Variants in HMCN1 observed in about 807,000 individuals in gnomAD.
The protein encoded by HMCN1 is hemicentin-1.
HMCN1 carries 321 observed loss-of-function variants against 625.9 expected under a neutral mutation model. The observed-to-expected ratio is 0.51, with a 90% CI of 0.47 to 0.56. The LOEUF (loss-of-function observed/expected upper bound fraction) is 0.56, where lower values mean the gene tolerates loss of function less well. Ranked by LOEUF, HMCN1 falls within the 20% of genes least tolerant of loss-of-function variation. The probability of loss-of-function intolerance (pLI) is 0.00; values close to 1 mark genes in which losing one functional copy is unlikely to be tolerated. For synonymous variants in HMCN1, 2,425 were observed against 2,417.6 expected (o/e 1.00, Z -0.09); for missense variants, 6,588 against 6,887.3 (o/e 0.96, Z 1.54).
chr1:185,749,967 GCTAAAAGTCACCTCCTCCGAAAAGCCTTC>G (rs1280529850), intron 1 of HMCN1, among the ~76,000 whole-genome samples: 2 of 152,102 alleles, frequency 1.3e-5, no homozygotes, highest in African/African-American at 4.8e-5. Context: ...ATGGCTCTTG[GCTAAAAGTCACCTCCTCCGAAAAGCCTTC>G]CCTGATTACC....
chr1:185,971,897 A>G lies in HMCN1; in HGVS notation c.2371+1404A>G, dbSNP rs1435181561. Among the ~76,000 whole-genome samples, 6 of 152,170 alleles carry G rather than the reference A, an allele frequency of 3.9e-5. No homozygotes were observed. In the East Asian group the frequency reaches 7.7e-4, roughly 20 times the overall value. On this transcript the variant is annotated intron_variant, in intron 15 of 106. Transcript: ENST00000271588. ...GGACACTGTAACACGTGTTTGAACC[A>G]TGACTAAACTCTGTGGTTATTAAGA... is the stretch of plus-strand genomic sequence containing the variant.
At chr1:186,067,174 C>T (rs1273790806) in intron 49 of HMCN1, among the ~76,000 whole-genome samples, 1 of 152,158 alleles carries the variant, frequency 6.6e-6, no homozygotes, top group Admixed American at 6.5e-5. Flanking sequence ...TTTAGCCCCC[C>T]AGTTTCCATA....
chr1:186,091,315 AT>A (rs981097030), intron 64 of HMCN1, among the ~76,000 whole-genome samples: 1 of 152,034 alleles, frequency 6.6e-6, no homozygotes, highest in Non-Finnish European at 1.5e-5. Context: ...TTCATCAATA[AT>A]TCTAGATATG....
At chr1:185,779,597 A>G (rs540803956) in intron 1 of HMCN1, among the ~76,000 whole-genome samples, 175 of 152,346 alleles carry the variant, frequency 1.1e-3, no homozygotes, top group African/African-American at 4.1e-3. Flanking sequence ...CATTTATTAA[A>G]TAGAGAATCC....
chr1:185,953,643 T>TG (rs1399891972), intron 11 of HMCN1, among the ~76,000 whole-genome samples: 1 of 151,750 alleles, frequency 6.6e-6, no homozygotes, highest in East Asian at 1.9e-4. Context: ...AGATGTTTCT[T>TG]GGGCTGGTCG....
intron 105 of HMCN1, among the ~76,000 whole-genome samples, chr1:186,183,669 C>A (rs1299743032): frequency 6.6e-6 from 1 of 152,114 alleles, no homozygotes; most frequent in Non-Finnish European, 1.5e-5. Flanking sequence ...TGTACCCATT[C>A]TAAAACTAAT....
At chr1:186,166,392 C>G (rs1651882170) in intron 99 of HMCN1, 89 bp downstream of exon 99, 6 of 1,498,688 alleles carry the variant, frequency 4.0e-6, no homozygotes, top group Non-Finnish European at 5.5e-6. Flanking sequence ...TATCTTCTTT[C>G]CTACTACTTC....
intron 20 of HMCN1, among the ~76,000 whole-genome samples, chr1:185,989,045 TCA>T (rs1286979082): frequency 2.0e-5 from 3 of 147,468 alleles, no homozygotes; most frequent in South Asian, 2.2e-4. Flanking sequence ...TCTCGCTCTG[TCA>T]CACAGGCTGG....
At chr1:186,168,155 C>A (rs961187577) in intron 100 of HMCN1, among the ~76,000 whole-genome samples, 1 of 150,090 alleles carries the variant, frequency 6.7e-6, no homozygotes. Flanking sequence ...TATGTGGCTG[C>A]AGAAGAAATA....
chr1:186,120,638 A>G (rs2102489722), intron 80 of HMCN1, among the ~76,000 whole-genome samples: 1 of 152,344 alleles, frequency 6.6e-6, no homozygotes, highest in South Asian at 2.1e-4. Flanking sequence ...TGCTTTTGCA[A>G]ATTAGAGGTG....
chr1:186,155,528 T>C lies in HMCN1; in HGVS notation c.15256+1541T>C, dbSNP rs147958373. Reference sequence around the variant, plus strand: ...GGCACAAATAAGAGAATTTCTACCATCTGGAACTAGATGAATTAAAATGAT... The same window carrying C: ...GGCACAAATAAGAGAATTTCTACCACCTGGAACTAGATGAATTAAAATGAT... On this transcript the variant is annotated intron_variant, in intron 97 of 106. Transcript: ENST00000271588. 5.5e-3 allele frequency among the ~76,000 whole-genome samples: 833 copies of C among 152,298 alleles called. 1 individual carries two copies. The highest frequency in any genetic ancestry group is 8.9e-3 in the Non-Finnish European group (606 of 68,028).
chr1:185,914,381 C>G (rs963437388), intron 6 of HMCN1, among the ~76,000 whole-genome samples: 3 of 152,058 alleles, frequency 2.0e-5, no homozygotes, highest in African/African-American at 7.2e-5. Flanking sequence ...AAAAGGTCTG[C>G]TCTATCACTG....
intron 11 of HMCN1, among the ~76,000 whole-genome samples, chr1:185,961,213 A>G (rs74134231): frequency 0.02 from 3,025 of 152,304 alleles, 82 homozygotes; most frequent in African/African-American, 0.069. Flanking sequence ...CGCCCAGCAT[A>G]CCATTTGTAT....
chr1:186,033,956 C>A (rs907258860), intron 36 of HMCN1, among the ~76,000 whole-genome samples: 10 of 151,996 alleles, frequency 6.6e-5, no homozygotes, highest in African/African-American at 2.4e-4. Context: ...TGGCATCCTG[C>A]CAAATTTTCA....
intron 1 of HMCN1, among the ~76,000 whole-genome samples, chr1:185,758,848 C>A (rs756269162): frequency 6.6e-6 from 1 of 152,008 alleles, no homozygotes; most frequent in South Asian, 2.1e-4. Context: ...GTTCCCATAA[C>A]AAATCTGTGA....
At chr1:185,821,935 T>C (rs553108254) in intron 1 of HMCN1, among the ~76,000 whole-genome samples, 20 of 149,068 alleles carry the variant, frequency 1.3e-4, no homozygotes, top group African/African-American at 4.9e-4. Context: ...CTCAAATGAA[T>C]ATTGCTAAGT....
intron 40 of HMCN1, among the ~76,000 whole-genome samples, chr1:186,042,464 T>C (rs1291840353): frequency 1.3e-5 from 2 of 152,150 alleles, no homozygotes; most frequent in Admixed American, 1.3e-4. Flanking sequence ...TCCTTACATT[T>C]CTACACTGGC....
At chr1:186,101,939 C>T (rs1558224572) in intron 68 of HMCN1, among the ~76,000 whole-genome samples, 1 of 152,050 alleles carries the variant, frequency 6.6e-6, no homozygotes, top group Non-Finnish European at 1.5e-5. Flanking sequence ...TTATAGTTTT[C>T]ACAAATGAAC....
chr1:186,095,426 T>A lies in HMCN1; in HGVS notation c.10478T>A (p.Leu3493His). Reference protein sequence around the residue: ...TVSTHGMVLQLLKAETEDSGK... With the variant: ...TVSTHGMVLQHLKAETEDSGK... ...AGCACCCATGGAATGGTCCTGCAGC[T>A]CCTCAAAGCAGAGACTGAAGATTCG... The change falls in exon 68 of 107, where the codon CTC (leucine) becomes CAC (histidine). Residue 3493 changes from leucine (L) to histidine (H), a missense_variant. Transcript: ENST00000271588. 1.2e-6 allele frequency: 2 copies of A among 1,613,642 alleles called. No individual in the cohort carries two copies. Among genetic ancestry groups the A allele is most frequent in the Non-Finnish European group, 1.7e-6 (2 of 1,179,790 alleles).
Sources: gnomAD v4.1 joint callset for allele counts (sites outside exome capture counted in the v4.1 genomes callset) on GRCh38, gnomAD v4.1.1 for gene constraint, MANE v1.5 for transcripts, NCBI Gene and HGNC (gene_info 2026-07-23, HGNC 2026-07-21) for gene names.